Variants in ADGRG3 observed in about 807,000 individuals in gnomAD.
The protein encoded by ADGRG3 is adhesion G protein-coupled receptor G3.
Under a neutral mutation model 54.3 loss-of-function variants are expected in ADGRG3, and 39 were observed. The ratio of observed to expected loss-of-function variants is 0.72; its 90% confidence interval spans 0.56 to 0.94. ADGRG3 has a LOEUF of 0.94. ADGRG3 is among the 40% of genes least tolerant of loss of function. The probability of loss-of-function intolerance (pLI) is 0.00; values close to 1 mark genes in which losing one functional copy is unlikely to be tolerated. For missense variants in ADGRG3, 654 were observed against 694.6 expected (o/e 0.94, Z 0.66); for synonymous variants, 312 against 290.0 (o/e 1.08, Z -0.77).
At position 57,685,739 on chromosome 16, in the gene ADGRG3, C is replaced by T; in HGVS notation, c.1353C>T (p.Ala451=). Residue 451 remains alanine (A), a synonymous_variant, in exon 11 of 12, where the codon GCC becomes GCT. Transcript: ENST00000333493. ...TCCTCTTTGGCATGGTGGTCCTGGC[C>T]CTGGTGGTCTGGAAGATCTTCACCC... ...ITFLFGMVVL[A]LVVWKIFTLS... 1 of 1,614,162 alleles carries T rather than the reference C, an allele frequency of 6.2e-7. No homozygotes were observed. The highest frequency in any genetic ancestry group is 8.5e-7 in the Non-Finnish European group (1 of 1,180,018).
At chr16:57,675,711 A>G (rs993876864) in intron 2 of ADGRG3, among the ~76,000 whole-genome samples, 1 of 151,676 alleles carries the variant, frequency 6.6e-6, no homozygotes, top group Non-Finnish European at 1.5e-5. Context: ...AAGAAGTCAG[A>G]AACAAAAGGC....
At chr16:57,678,412 G>A in intron 4 of ADGRG3, 96 bp downstream of exon 4, 2 of 1,270,234 alleles carry the variant, frequency 1.6e-6, no homozygotes, top group Non-Finnish European at 2.3e-6. Context: ...GGGATCCAAT[G>A]GGGACAGAGC....
intron 3 of ADGRG3, 60 bp from the exon 4 acceptor site, chr16:57,678,110 G>A: frequency 6.3e-7 from 1 of 1,590,212 alleles, no homozygotes; most frequent in African/African-American, 1.3e-5. Context: ...AGCTGGGGGA[G>A]TGGCAGGACT....
At chr16:57,669,101 G>T (rs549585243) in intron 1 of ADGRG3, among the ~76,000 whole-genome samples, 88 of 152,228 alleles carry the variant, frequency 5.8e-4, no homozygotes, top group African/African-American at 2.0e-3. Flanking sequence ...CCTCTGTGGC[G>T]TCTTAGCAAC....
Position 57,679,236 on chromosome 16 carries a change from G to C in ADGRG3, c.552G>C (p.Leu184Phe). Residue 184 changes from leucine (L) to phenylalanine (F), a missense_variant, in exon 5 of 12, where the codon TTG becomes TTC. Physicochemically the swap from Leu to Phe is conservative, Grantham distance 22. Coordinates refer to ENST00000333493, the MANE Select transcript of ADGRG3 (RefSeq NM_170776.5). ...TGTTGAACAATCGCCTGGTGGGTTTGAGTGTGGGACAAATGCATGTCACCA... is the reference window on the plus strand; with the variant it reads ...TGTTGAACAATCGCCTGGTGGGTTTCAGTGTGGGACAAATGCATGTCACCA... ...SGVLNNRLVGLSVGQMHVTKL... is the reference protein window; with the variant it reads ...SGVLNNRLVGFSVGQMHVTKL... 3 of 1,614,034 alleles carry C rather than the reference G, an allele frequency of 1.9e-6. No homozygotes were observed. Among genetic ancestry groups the C allele is most frequent in the Non-Finnish European group, 1.7e-6 (2 of 1,179,948 alleles).
rs73552781 is a variant in ADGRG3 at position 57,673,337 on chromosome 16, C to T, written c.75C>T (p.Thr25=). 0.037 allele frequency: 59,692 copies of T among 1,612,920 alleles called. 1,298 individuals carry two copies. Among genetic ancestry groups the T allele is most frequent in the African/African-American group, 0.082 (6,116 of 74,966 alleles). Residue 25 remains threonine, a synonymous_variant, in exon 2 of 12, where the codon ACC becomes ACT. Coordinates refer to ENST00000333493, the MANE Select transcript of ADGRG3 (RefSeq NM_170776.5). ...CTTCCTTAGGTCAGGAAAAGCCCAC[C>T]GAAGGGCCAAGAAACACCTGCCTGG... ...LLPTSGQEKP[T]EGPRNTCLGS...
At position 57,684,049 on chromosome 16, in the gene ADGRG3, G is replaced by A. The variant is rs778878062; in HGVS notation, c.999G>A (p.Gly333=). Residue 333 remains glycine, a synonymous_variant, in exon 9 of 12, where the codon GGG becomes GGA. Transcript: ENST00000333493. ...FLVNVGSGSK[G]SDAACWARGA... ...TCAATGTGGGGAGTGGCTCAAAGGGGTCTGATGCTGCCTGCTGGGCCCGGG... is the reference window on the plus strand; with the variant it reads ...TCAATGTGGGGAGTGGCTCAAAGGGATCTGATGCTGCCTGCTGGGCCCGGG... 1 of 1,614,048 alleles carries A rather than the reference G, an allele frequency of 6.2e-7. No homozygotes were observed. Among genetic ancestry groups the A allele is most frequent in the Non-Finnish European group, 8.5e-7 (1 of 1,179,948 alleles).
chr16:57,675,501 C>T (rs2048246391), intron 2 of ADGRG3, among the ~76,000 whole-genome samples: 1 of 151,826 alleles, frequency 6.6e-6, no homozygotes, highest in Non-Finnish European at 1.5e-5. Context: ...TGTGGTGGCT[C>T]ACACCTGTAA....
chr16:57,677,686 G>T (rs1597765228), intron 3 of ADGRG3, among the ~76,000 whole-genome samples: 1 of 152,188 alleles, frequency 6.6e-6, no homozygotes, highest in East Asian at 1.9e-4. Context: ...GGGAGGATTT[G>T]ACATTCAGAG....
chr16:57,682,362 C>T lies in ADGRG3; in HGVS notation c.882-1570C>T, dbSNP rs151006986. On this transcript the variant is annotated intron_variant, in intron 8 of 11. Coordinates refer to ENST00000333493, the MANE Select transcript of ADGRG3 (RefSeq NM_170776.5). ...GCCCCCGCATCCAGGGCCGTCCCTC[C>T]GCCCTCTCCACGTGCCTCTGTGTCA... The T allele has an allele frequency of 2.9e-3, 1,271 of 430,952 alleles. 16 individuals are homozygous for T. The highest frequency in any genetic ancestry group is 0.026 in the African/African-American group (1,202 of 46,360). The allele number at this position is 430,952 out of a possible 1,614,324, so 26.7% of individuals were successfully genotyped here.
chr16:57,683,277 T>G (rs1364073524), intron 8 of ADGRG3, among the ~76,000 whole-genome samples: 1 of 152,176 alleles, frequency 6.6e-6, no homozygotes, highest in Non-Finnish European at 1.5e-5. Flanking sequence ...GACTGATAGG[T>G]GTGTTGCTCA....
intron 3 of ADGRG3, 143 bp from the exon 4 acceptor site, chr16:57,678,027 C>T: frequency 1.1e-6 from 1 of 935,776 alleles, no homozygotes; most frequent in South Asian, 1.5e-5. Context: ...GCACTGTGCC[C>T]CAGGTGTCCT....
rs73554948 is a variant in ADGRG3 at position 57,689,244 on chromosome 16, C to A, written c.*783C>A. 1,233 of 154,522 alleles carry A rather than the reference C, an allele frequency of 8.0e-3. 26 individuals are homozygous for A. The highest frequency in any genetic ancestry group is 0.028 in the African/African-American group (1,178 of 41,596). The allele number at this position is 154,522 out of a possible 1,614,324, so 9.6% of individuals were successfully genotyped here. ...TCATTCAGTGTGTGGGGCCCCTGAGCAGAGGCTGGGCATTGCCACTAGGAC... is the reference window on the plus strand; with the variant it reads ...TCATTCAGTGTGTGGGGCCCCTGAGAAGAGGCTGGGCATTGCCACTAGGAC... On this transcript the variant is annotated 3_prime_UTR_variant, in exon 12 of 12. Transcript: ENST00000333493.
At chr16:57,673,235 C>G in intron 1 of ADGRG3, 86 bp from the exon 2 acceptor site, 1 of 1,335,618 alleles carries the variant, frequency 7.5e-7, no homozygotes, top group Non-Finnish European at 1.0e-6. Context: ...CCACCAGACT[C>G]TGGAGCCCCA....
rs560911322 is a variant in ADGRG3 at position 57,668,899 on chromosome 16, A to G, written c.58+494A>G. On this transcript the variant is annotated intron_variant, in intron 1 of 11. Coordinates refer to ENST00000333493, the MANE Select transcript of ADGRG3 (RefSeq NM_170776.5). Reference sequence around the variant, plus strand: ...GGCTCCCTCTCCCAGTCTCAGCCACAACCTCTTGGTCCTCAGTGGCCTGAG... The same window carrying G: ...GGCTCCCTCTCCCAGTCTCAGCCACGACCTCTTGGTCCTCAGTGGCCTGAG... Among the ~76,000 whole-genome samples, 4 of 152,216 alleles carry G rather than the reference A, an allele frequency of 2.6e-5. No homozygotes were observed. In the East Asian group the frequency reaches 5.8e-4, roughly 22 times the overall value.
intron 2 of ADGRG3, chr16:57,674,461 AG>A: frequency 6.9e-6 from 2 of 291,834 alleles, no homozygotes; most frequent in Non-Finnish European, 1.5e-5. Context: ...GGCTTACATT[AG>A]TACTTAATAA....
chr16:57,685,723 G>A lies in ADGRG3; in HGVS notation c.1337G>A (p.Gly446Asp). ...HGYFLITFLF[G>D]MVVLALVVWK... ...TACTTCCTCATCACCTTCCTCTTTG[G>A]CATGGTGGTCCTGGCCCTGGTGGTC... The change falls in exon 11 of 12, where the codon GGC (glycine) becomes GAC (aspartate). Residue 446 changes from glycine (G) to aspartate (D), a missense_variant. Transcript: ENST00000333493. 1 of 1,614,152 alleles carries A rather than the reference G, an allele frequency of 6.2e-7. No homozygotes were observed. The highest frequency in any genetic ancestry group is 8.5e-7 in the Non-Finnish European group (1 of 1,180,032).
At chr16:57,670,285 G>A (rs1177930393) in intron 1 of ADGRG3, among the ~76,000 whole-genome samples, 2 of 152,226 alleles carry the variant, frequency 1.3e-5, no homozygotes, top group African/African-American at 2.4e-5. Context: ...AATGCTTGCA[G>A]TGTCTTCAAA....
chr16:57,675,674 G>A (rs1342718532), intron 2 of ADGRG3, among the ~76,000 whole-genome samples: 1 of 152,154 alleles, frequency 6.6e-6, no homozygotes, highest in Non-Finnish European at 1.5e-5. Flanking sequence ...CAACATAGAT[G>A]AACCCTGAAA....
Sources: gnomAD v4.1 joint callset for allele counts (sites outside exome capture counted in the v4.1 genomes callset) on GRCh38, gnomAD v4.1.1 for gene constraint, MANE v1.5 for transcripts, NCBI Gene and HGNC (gene_info 2026-07-23, HGNC 2026-07-21) for gene names.